The following CDH12 variants were observed in gnomAD, a reference collection of about 807,000 sequenced individuals.
CDH12 encodes cadherin-12.
CDH12 carries 41 observed loss-of-function variants against 74.1 expected under a neutral mutation model. The observed-to-expected ratio is 0.55, with a 90% CI of 0.43 to 0.72. The LOEUF (loss-of-function observed/expected upper bound fraction) is 0.72. CDH12 is among the 30% of genes least tolerant of loss of function. The probability of loss-of-function intolerance (pLI) is 0.00; values close to 1 mark genes in which losing one functional copy is unlikely to be tolerated. For synonymous variants in CDH12, 399 were observed against 355.0 expected (o/e 1.12, Z -1.39); for missense variants, 945 against 977.2 (o/e 0.97, Z 0.44).
Position 21,755,832 on chromosome 5 carries a change from C to G in CDH12, c.1644G>C (p.Ala548=), listed in dbSNP as rs201811162. ...ATCCATTTCTTCGGGTTTCAATCCC[C>G]GCTGTGTTGTCTACAAAACATGACA... ...FTVRDFRNNT[A]GIETRRNGYS... is the part of the protein sequence containing the mutation. Residue 548 remains alanine, a synonymous_variant, in exon 14 of 15, where the codon GCG becomes GCC. Coordinates refer to ENST00000382254, the MANE Select transcript of CDH12 (RefSeq NM_004061.5). 2 of 1,613,990 alleles carry G rather than the reference C, an allele frequency of 1.2e-6. No individual in the cohort carries two copies. Among genetic ancestry groups the G allele is most frequent in the Non-Finnish European group, 1.7e-6 (2 of 1,179,924 alleles).
At chr5:22,278,915 G>T (rs1736757319) in intron 3 of CDH12, among the ~76,000 whole-genome samples, 1 of 152,044 alleles carries the variant, frequency 6.6e-6, no homozygotes, top group Non-Finnish European at 1.5e-5. Flanking sequence ...AATTCACAAG[G>T]TCTTTGAATA....
chr5:22,096,841 A>T (rs973999134), intron 4 of CDH12, among the ~76,000 whole-genome samples: 14 of 152,246 alleles, frequency 9.2e-5, no homozygotes, highest in Admixed American at 8.5e-4. Context: ...TTCTCAATAT[A>T]CATTTTATTT....
chr5:21,935,536 C>T (rs945941453), intron 6 of CDH12, among the ~76,000 whole-genome samples: 2 of 152,068 alleles, frequency 1.3e-5, no homozygotes, highest in Non-Finnish European at 2.9e-5. Context: ...GCATAATAAT[C>T]ACATCAGGGT....
At chr5:21,756,256 G>A (rs1237552396) in intron 13 of CDH12, among the ~76,000 whole-genome samples, 2 of 151,720 alleles carry the variant, frequency 1.3e-5, no homozygotes, top group Non-Finnish European at 2.9e-5. Context: ...AAAACCAATT[G>A]ACTATTTTAA....
At chr5:22,618,290 G>A (rs1737790743) in intron 1 of CDH12, among the ~76,000 whole-genome samples, 1 of 152,054 alleles carries the variant, frequency 6.6e-6, no homozygotes, top group Admixed American at 6.6e-5. Context: ...TACATTTTCA[G>A]GCTACTGTGG....
At chr5:22,652,317 T>C (rs536345244) in intron 1 of CDH12, among the ~76,000 whole-genome samples, 1 of 152,204 alleles carries the variant, frequency 6.6e-6, no homozygotes, top group African/African-American at 2.4e-5. Flanking sequence ...GAGTTAAAAT[T>C]ACATGTGATA....
At chr5:22,749,848 A>C (rs1240744354) in intron 1 of CDH12, among the ~76,000 whole-genome samples, 1 of 152,210 alleles carries the variant, frequency 6.6e-6, no homozygotes, top group African/African-American at 2.4e-5. Flanking sequence ...TAGGCAGTAC[A>C]TTCTCATTAT....
chr5:22,147,701 A>G (rs1198718318), intron 4 of CDH12, among the ~76,000 whole-genome samples: 1 of 152,104 alleles, frequency 6.6e-6, no homozygotes, highest in African/African-American at 2.4e-5. Context: ...GGCAAAGGCA[A>G]TGAGAGTCAA....
At chr5:22,792,263 A>G (rs1747953784) in intron 1 of CDH12, among the ~76,000 whole-genome samples, 2 of 151,588 alleles carry the variant, frequency 1.3e-5, no homozygotes, top group Admixed American at 1.3e-4. Flanking sequence ...TAATTTTTCT[A>G]TTTTTAGTAG....
intron 6 of CDH12, among the ~76,000 whole-genome samples, chr5:21,862,299 G>T (rs1751084974): frequency 6.6e-6 from 1 of 151,926 alleles, no homozygotes; most frequent in South Asian, 2.1e-4. Flanking sequence ...TTATTTATTT[G>T]ATTTAATTAA....
chr5:22,095,479 C>T (rs73056489), intron 4 of CDH12, among the ~76,000 whole-genome samples: 25,671 of 151,962 alleles, frequency 0.17, 2,831 homozygotes, highest in African/African-American at 0.31. Context: ...TCTGACCATG[C>T]GAGAACACCT....
chr5:21,881,560 T>C (rs1426919657), intron 6 of CDH12, among the ~76,000 whole-genome samples: 1 of 152,198 alleles, frequency 6.6e-6, no homozygotes, highest in East Asian at 1.9e-4. Context: ...TTATTTTGTT[T>C]GTTTGGACAT....
chr5:22,802,268 C>T (rs1390589404), intron 1 of CDH12, among the ~76,000 whole-genome samples: 1 of 151,652 alleles, frequency 6.6e-6, no homozygotes, highest in Non-Finnish European at 1.5e-5. Flanking sequence ...ACTACAGGCG[C>T]CCGCCACCAC....
chr5:22,739,020 T>TG (rs879702940), intron 1 of CDH12, among the ~76,000 whole-genome samples: 45 of 152,210 alleles, frequency 3.0e-4, no homozygotes, highest in African/African-American at 1.1e-3. Flanking sequence ...ATGTTTAACA[T>TG]GAAAAACTAT....
chr5:22,325,971 C>A (rs1414682148), intron 3 of CDH12, among the ~76,000 whole-genome samples: 1 of 152,002 alleles, frequency 6.6e-6, no homozygotes, highest in African/African-American at 2.4e-5. Flanking sequence ...AAAATAAATT[C>A]ATTGGATTAA....
At chr5:22,558,534 G>C (rs1271086338) in intron 1 of CDH12, among the ~76,000 whole-genome samples, 2 of 152,020 alleles carry the variant, frequency 1.3e-5, no homozygotes, top group Non-Finnish European at 2.9e-5. Flanking sequence ...TGCTCACTAA[G>C]AGTTAGTCTT....
intron 1 of CDH12, among the ~76,000 whole-genome samples, chr5:22,564,117 A>G (rs1739187915): frequency 1.3e-5 from 2 of 152,184 alleles, no homozygotes; most frequent in Admixed American, 1.3e-4. Flanking sequence ...GTTCTCTAGA[A>G]GCTATCAATT....
intron 3 of CDH12, among the ~76,000 whole-genome samples, chr5:22,239,281 A>G (rs1752665219): frequency 6.6e-6 from 1 of 152,190 alleles, no homozygotes; most frequent in Non-Finnish European, 1.5e-5. Context: ...ACTGAAATTG[A>G]GCATAAGCCT....
intron 2 of CDH12, among the ~76,000 whole-genome samples, chr5:22,425,524 A>T (rs1743891495): frequency 1.3e-5 from 2 of 152,010 alleles, no homozygotes; most frequent in Non-Finnish European, 2.9e-5. Context: ...TTACACTTAT[A>T]ATATGAAATA....
Sources: allele counts gnomAD v4.1 joint callset (sites outside exome capture counted in the v4.1 genomes callset), GRCh38; gene constraint gnomAD v4.1.1; transcripts MANE v1.5; gene names NCBI Gene and HGNC (gene_info 2026-07-23, HGNC 2026-07-21).